EPHB1: variants seen among roughly 807,000 people sequenced by gnomAD.
EPHB1 encodes the protein EPH receptor B1, also known as ephrin type-B receptor 1.
A neutral mutation model predicts 94.4 loss-of-function variants in EPHB1; 30 were observed. The observed-to-expected ratio is 0.32, with a 90% CI of 0.24 to 0.43. EPHB1 has a LOEUF of 0.43. Ranked by LOEUF, EPHB1 falls within the 20% of genes least tolerant of loss-of-function variation. The pLI is 1.00. For synonymous variants in EPHB1, 522 were observed against 489.1 expected, an observed-to-expected ratio of 1.07 and a Z score of -0.89; for missense variants, 1,055 against 1,308.3, an observed-to-expected ratio of 0.81 and a Z score of 2.99.
chr3:135,179,210 A>G (rs1942079449), intron 9 of EPHB1, among the ~76,000 whole-genome samples: 1 of 152,172 alleles, frequency 6.6e-6, no homozygotes, highest in Admixed American at 6.5e-5. Flanking sequence ...AGGCATGAAG[A>G]GTCAATCACC....
At chr3:135,085,411 G>A (rs1938322950) in intron 3 of EPHB1, among the ~76,000 whole-genome samples, 1 of 152,220 alleles carries the variant, frequency 6.6e-6, no homozygotes, top group African/African-American at 2.4e-5. Context: ...TTTCTGGTCG[G>A]TGTCAACACA....
intron 9 of EPHB1, among the ~76,000 whole-genome samples, chr3:135,175,848 G>T (rs939891674): frequency 1.3e-5 from 2 of 152,094 alleles, no homozygotes; most frequent in African/African-American, 4.8e-5. Flanking sequence ...CCAAATGTTT[G>T]GCTGTGCCTG....
At chr3:135,052,947 A>ATATATATATGTGTG (rs1338327939) in intron 3 of EPHB1, among the ~76,000 whole-genome samples, 2 of 113,196 alleles carry the variant, frequency 1.8e-5, no homozygotes, top group Non-Finnish European at 3.5e-5. Flanking sequence ...ATGTGTGTAT[A>ATATATATATGTGTG]TATATATATG....
At chr3:135,240,536 A>G (rs1405120876) in intron 12 of EPHB1, among the ~76,000 whole-genome samples, 2 of 152,222 alleles carry the variant, frequency 1.3e-5, no homozygotes, top group African/African-American at 4.8e-5. Context: ...GACAGCCAGC[A>G]TGTAGAAAGA....
chr3:135,150,600 T>G (rs1164253931), intron 5 of EPHB1, among the ~76,000 whole-genome samples: 1 of 152,206 alleles, frequency 6.6e-6, no homozygotes, highest in Non-Finnish European at 1.5e-5. Context: ...GGGAGCACCT[T>G]ATTTCCACTT....
chr3:135,036,287 G>A (rs1324170588), intron 3 of EPHB1, among the ~76,000 whole-genome samples: 3 of 152,194 alleles, frequency 2.0e-5, no homozygotes, highest in Non-Finnish European at 4.4e-5. Flanking sequence ...AGAGAGGACT[G>A]AGGCCAGTGC....
intron 12 of EPHB1, among the ~76,000 whole-genome samples, chr3:135,203,018 C>T (rs1942798066): frequency 6.6e-6 from 1 of 152,200 alleles, no homozygotes; most frequent in African/African-American, 2.4e-5. Context: ...CACATATACA[C>T]CATGGAATAC....
chr3:134,952,008 C>T lies in EPHB1; in HGVS notation c.761C>T (p.Thr254Ile), dbSNP rs1401843217. The change falls in exon 3 of 16, where the codon ACC becomes ATC. Residue 254 changes from threonine (T) to isoleucine (I), a missense_variant. By Grantham distance (89) the Thr-to-Ile change is moderately conservative (BLOSUM62 -1). Coordinates refer to ENST00000398015, the MANE Select transcript of EPHB1 (RefSeq NM_004441.5). ...GEWMVPIGRC[T>I]CKPGYEPENS... ...TGGATGGTGCCTATTGGGCGATGCA[C>T]CTGCAAGCCTGGCTATGAGCCTGAG... 3 of 1,613,228 alleles carry T rather than the reference C, an allele frequency of 1.9e-6. No homozygotes were observed. The highest frequency in any genetic ancestry group is 2.5e-6 in the Non-Finnish European group (3 of 1,179,402).
intron 10 of EPHB1, among the ~76,000 whole-genome samples, chr3:135,183,233 TCCCTCCCTCC>T (rs1559865579): frequency 2.4e-3 from 258 of 108,298 alleles, no homozygotes; most frequent in Middle Eastern, 3.9e-3. Context: ...CCTCCCTTCC[TCCCTCCCTCC>T]CTTTCTTCCT....
At chr3:135,031,287 TTCTC>T (rs1204141169) in intron 3 of EPHB1, among the ~76,000 whole-genome samples, 4 of 151,940 alleles carry the variant, frequency 2.6e-5, no homozygotes, top group South Asian at 2.1e-4. Context: ...CTTTTCTTCC[TTCTC>T]TCTCTCTCTT....
At chr3:134,937,398 C>T (rs2039023889) in intron 2 of EPHB1, among the ~76,000 whole-genome samples, 2 of 152,234 alleles carry the variant, frequency 1.3e-5, no homozygotes, top group South Asian at 4.1e-4. Flanking sequence ...TGGGAATTTC[C>T]TCCATTGTAA....
intron 1 of EPHB1, among the ~76,000 whole-genome samples, chr3:134,898,106 G>A (rs2038121526): frequency 6.6e-6 from 1 of 152,160 alleles, no homozygotes; most frequent in Non-Finnish European, 1.5e-5. Context: ...TGGTGAGAGG[G>A]ACCTTACCCT....
At chr3:135,133,159 C>A in intron 5 of EPHB1, 110 bp downstream of exon 5, 2 of 1,127,580 alleles carry the variant, frequency 1.8e-6, no homozygotes, top group Non-Finnish European at 2.5e-6. Flanking sequence ...TGTCAGGCCT[C>A]TGCCCAGGAG....
intron 3 of EPHB1, among the ~76,000 whole-genome samples, chr3:134,964,360 C>A (rs1933648094): frequency 6.6e-6 from 1 of 152,098 alleles, no homozygotes. Flanking sequence ...ACATACAGAA[C>A]AAAAACAACA....
chr3:135,178,226 G>A (rs533207175), intron 9 of EPHB1, among the ~76,000 whole-genome samples: 1 of 149,004 alleles, frequency 6.7e-6, no homozygotes, highest in Admixed American at 6.7e-5. Context: ...GGCCGGGGAG[G>A]GGGGGTGGAT....
intron 12 of EPHB1, among the ~76,000 whole-genome samples, chr3:135,217,424 C>CCACACACA (rs200312241): frequency 4.0e-4 from 57 of 143,488 alleles, no homozygotes; most frequent in South Asian, 7.0e-4. Flanking sequence ...CCCATCAGTA[C>CCACACACA]CACACACACA....
At chr3:135,105,837 A>T (rs1007412565) in intron 3 of EPHB1, among the ~76,000 whole-genome samples, 7 of 152,218 alleles carry the variant, frequency 4.6e-5, no homozygotes, top group African/African-American at 1.7e-4. Flanking sequence ...AAGGAGAATG[A>T]TGTTGTTAAG....
intron 1 of EPHB1, among the ~76,000 whole-genome samples, chr3:134,905,381 C>T (rs950203599): frequency 6.6e-6 from 1 of 152,234 alleles, no homozygotes; most frequent in African/African-American, 2.4e-5. Flanking sequence ...CCCCGCCACA[C>T]CTTCCACACA....
intron 12 of EPHB1, among the ~76,000 whole-genome samples, chr3:135,233,100 T>C (rs890276859): frequency 2.0e-5 from 3 of 152,190 alleles, no homozygotes; most frequent in Non-Finnish European, 2.9e-5. Flanking sequence ...TTTCAAAACA[T>C]AGTCATGCCA....
Sources: gnomAD v4.1 joint callset for allele counts (sites outside exome capture counted in the v4.1 genomes callset) on GRCh38, gnomAD v4.1.1 for gene constraint, MANE v1.5 for transcripts, NCBI Gene and HGNC (gene_info 2026-07-23, HGNC 2026-07-21) for gene names.